The following LRP1B variants were observed in gnomAD, a reference collection of about 807,000 sequenced individuals.
LRP1B encodes low-density lipoprotein receptor-related protein 1B.
LRP1B carries 217 observed loss-of-function variants against 556.6 expected under a neutral mutation model. The observed-to-expected ratio is 0.39, with a 90% CI of 0.35 to 0.44. The LOEUF (loss-of-function observed/expected upper bound fraction) is 0.44. Among genes scored for constraint, LRP1B ranks in the 20% least tolerant of loss-of-function variants. The pLI is 1.00. For synonymous variants in LRP1B, 2,047 were observed against 1,865.8 expected, an observed-to-expected ratio of 1.10 and a Z score of -2.50; for missense variants, 5,053 against 5,620.8, an observed-to-expected ratio of 0.90 and a Z score of 3.23.
intron 2 of LRP1B, among the ~76,000 whole-genome samples, chr2:141,673,697 T>C (rs1441918395): frequency 6.6e-6 from 1 of 152,110 alleles, no homozygotes; most frequent in Non-Finnish European, 1.5e-5. Context: ...AATTGTGCAA[T>C]TTATATTTTG....
At chr2:141,436,657 TA>T (rs1680777172) in intron 3 of LRP1B, among the ~76,000 whole-genome samples, 2 of 152,184 alleles carry the variant, frequency 1.3e-5, no homozygotes, top group African/African-American at 4.8e-5. Context: ...AAAATTGTAT[TA>T]TTTTCCTTGG....
intron 43 of LRP1B, among the ~76,000 whole-genome samples, chr2:140,546,166 G>A (rs545103652): frequency 6.6e-6 from 1 of 152,136 alleles, no homozygotes; most frequent in African/African-American, 2.4e-5. Flanking sequence ...TTGTTTATCA[G>A]CTTAAGAAGC....
At chr2:140,355,794 TTACTA>T (rs1332077766) in intron 75 of LRP1B, among the ~76,000 whole-genome samples, 1 of 151,936 alleles carries the variant, frequency 6.6e-6, no homozygotes, top group Non-Finnish European at 1.5e-5. Flanking sequence ...ATTTACTTAC[TTACTA>T]TAAGATTTTG....
chr2:140,490,008 T>G (rs1304966468), intron 57 of LRP1B, among the ~76,000 whole-genome samples: 4 of 152,012 alleles, frequency 2.6e-5, no homozygotes, highest in African/African-American at 9.7e-5. Flanking sequence ...AGTGCAATGG[T>G]CTCTTTGCAG....
At chr2:140,664,041 T>A (rs2105345355) in intron 41 of LRP1B, among the ~76,000 whole-genome samples, 1 of 152,312 alleles carries the variant, frequency 6.6e-6, no homozygotes, top group Middle Eastern at 3.4e-3. Context: ...GAACACACAC[T>A]GTATTTCTGA....
chr2:141,273,510 G>C (rs1011313952), intron 3 of LRP1B, among the ~76,000 whole-genome samples: 14 of 152,070 alleles, frequency 9.2e-5, no homozygotes, highest in Non-Finnish European at 7.4e-5. Context: ...ATTGTACTAG[G>C]TCAACTGGAA....
intron 3 of LRP1B, among the ~76,000 whole-genome samples, chr2:141,277,467 T>C (rs559649330): frequency 2.0e-5 from 3 of 152,342 alleles, no homozygotes; most frequent in Middle Eastern, 3.4e-3. Context: ...GTAGTTTAAT[T>C]GCTTTCACTT....
intron 5 of LRP1B, among the ~76,000 whole-genome samples, chr2:141,233,877 T>C (rs181456119): frequency 6.1e-4 from 93 of 152,128 alleles, no homozygotes; most frequent in Non-Finnish European, 9.3e-4. Context: ...AATGTATATA[T>C]ATATGTATAT....
intron 2 of LRP1B, among the ~76,000 whole-genome samples, chr2:141,760,609 C>T (rs1694508480): frequency 6.6e-6 from 1 of 152,162 alleles, no homozygotes; most frequent in Non-Finnish European, 1.5e-5. Context: ...GGACTATACA[C>T]TTAACAAAAG....
intron 2 of LRP1B, among the ~76,000 whole-genome samples, chr2:141,695,186 T>G (rs1203434870): frequency 1.3e-5 from 2 of 151,946 alleles, no homozygotes; most frequent in East Asian, 3.9e-4. Context: ...TATTTACCGT[T>G]TTTCCTGCCT....
At position 140,541,797 on chromosome 2, in the gene LRP1B, C is replaced by T. The variant is rs756772787; in HGVS notation, c.7369G>A (p.Ala2457Thr). 1.2e-6 allele frequency: 2 copies of T among 1,611,110 alleles called. No individual in the cohort carries two copies. Among genetic ancestry groups the T allele is most frequent in the Non-Finnish European group, 1.7e-6 (2 of 1,178,108 alleles). The change falls in exon 44 of 91, where the codon GCC becomes ACC. Residue 2457 changes from alanine to threonine, a missense_variant. By Grantham distance (58) the Ala-to-Thr change is moderately conservative. This residue lies in a region of LRP1B where 3,619 missense variants were observed against 3,931.9 expected (regional missense o/e 0.92). Transcript: ENST00000389484. ...AACTTACAGCTATTGGTGTCATTGG[C>T]AACAGCTATGATTCCCATTGGCTGA... ...PHQPMGIIAV[A>T]NDTNSCELSP...
intron 5 of LRP1B, among the ~76,000 whole-genome samples, chr2:141,231,732 A>G (rs1683480879): frequency 6.6e-6 from 1 of 151,940 alleles, no homozygotes; most frequent in Non-Finnish European, 1.5e-5. Flanking sequence ...ATTGTTGTCA[A>G]ATGTATCTGC....
At chr2:141,205,166 T>G (rs1320071918) in intron 6 of LRP1B, among the ~76,000 whole-genome samples, 1 of 152,126 alleles carries the variant, frequency 6.6e-6, no homozygotes, top group Non-Finnish European at 1.5e-5. Flanking sequence ...CTCTAATAAA[T>G]TTAGATGTTT....
chr2:141,153,318 C>T (rs1224677935), intron 7 of LRP1B, among the ~76,000 whole-genome samples: 18 of 108,598 alleles, frequency 1.7e-4, no homozygotes, highest in Non-Finnish European at 2.5e-4. Context: ...TATATATTAG[C>T]TATATATATT....
intron 18 of LRP1B, among the ~76,000 whole-genome samples, chr2:140,981,723 T>G (rs1416269980): frequency 6.6e-6 from 1 of 152,176 alleles, no homozygotes; most frequent in Non-Finnish European, 1.5e-5. Flanking sequence ...AATTATGTAA[T>G]CTCAGTCTGA....
intron 31 of LRP1B, among the ~76,000 whole-genome samples, chr2:140,816,709 T>G (rs879446002): frequency 6.6e-6 from 1 of 152,126 alleles, no homozygotes; most frequent in African/African-American, 2.4e-5. Flanking sequence ...GCATTTATTC[T>G]CAGGTTCATA....
chr2:141,815,730 C>T (rs188017672), intron 1 of LRP1B, among the ~76,000 whole-genome samples: 360 of 152,328 alleles, frequency 2.4e-3, no homozygotes, highest in Non-Finnish European at 3.9e-3. Flanking sequence ...CAGCAGCAAC[C>T]TCCTTGGATC....
chr2:141,752,256 G>A (rs761156279), intron 2 of LRP1B, among the ~76,000 whole-genome samples: 1 of 152,048 alleles, frequency 6.6e-6, no homozygotes, highest in Non-Finnish European at 1.5e-5. Context: ...TTAAGTACAC[G>A]GAGAATTTTA....
At chr2:140,601,299 C>G (rs1294206466) in intron 42 of LRP1B, 151 bp downstream of exon 42, 8 of 607,354 alleles carry the variant, frequency 1.3e-5, no homozygotes, top group Non-Finnish European at 2.0e-5. Context: ...ATTTATAATG[C>G]TCTTACATAA....
Sources: allele counts gnomAD v4.1 joint callset (sites outside exome capture counted in the v4.1 genomes callset), GRCh38; gene constraint gnomAD v4.1.1; regional missense constraint gnomAD v4.1.1; transcripts MANE v1.5; gene names NCBI Gene and HGNC (gene_info 2026-07-23, HGNC 2026-07-21).